Variants in RB1CC1 observed in about 807,000 individuals in gnomAD.
RB1CC1 encodes the protein RB1 inducible coiled-coil 1.
RB1CC1 carries 46 observed loss-of-function variants against 177.5 expected under a neutral mutation model. That is an observed-to-expected ratio of 0.26 (90% CI 0.20 to 0.33). RB1CC1 has a LOEUF of 0.33. RB1CC1 is among the 10% of genes least tolerant of loss of function. RB1CC1 has a pLI of 1.00. For missense variants in RB1CC1, 1,703 were observed against 1,816.3 expected, an observed-to-expected ratio of 0.94 and a Z score of 1.13; for synonymous variants, 666 against 613.6, an observed-to-expected ratio of 1.09 and a Z score of -1.26.
At position 52,645,772 on chromosome 8, in the gene RB1CC1, A is replaced by G; in HGVS notation, c.3917T>C (p.Leu1306Pro). 1 of 1,610,880 alleles carries G rather than the reference A, an allele frequency of 6.2e-7. No individual in the cohort carries two copies. Among genetic ancestry groups the G allele is most frequent in the South Asian group, 1.1e-5 (1 of 90,002 alleles). ...QEEKAKFLEQ[L>P]EEQEKRKNEE... ...ATTCTTTCTTTTTTCTTGCTCTTCA[A>G]GTTGTTCTAGAAACTTAGCTTTTTC... The change falls in exon 16 of 24, where the codon CTT becomes CCT. Residue 1306 changes from leucine (L) to proline (P), a missense_variant. Physicochemically the swap from Leu to Pro is moderately conservative, Grantham distance 98 (BLOSUM62 -3). Around this residue, in one of 6 missense-constraint regions of RB1CC1, gnomAD observed 1,169 missense variants for 1,184.7 expected, o/e 0.99. Transcript: ENST00000025008.
At chr8:52,623,916 TCACA>T (rs113332634) in intron 23 of RB1CC1, 57 bp from the exon 24 acceptor site, 156 of 862,914 alleles carry the variant, frequency 1.8e-4, no homozygotes, top group Middle Eastern at 3.6e-4. Context: ...TCTCTCTCTC[TCACA>T]CACACACACA....
intron 1 of RB1CC1, among the ~76,000 whole-genome samples, chr8:52,697,240 A>G (rs534675341): frequency 6.6e-6 from 1 of 151,976 alleles, no homozygotes; most frequent in South Asian, 2.1e-4. Context: ...AATCAGTTAA[A>G]TTCAGAATAA....
At chr8:52,660,371 T>C (rs1851505762) in intron 12 of RB1CC1, among the ~76,000 whole-genome samples, 1 of 152,222 alleles carries the variant, frequency 6.6e-6, no homozygotes, top group Non-Finnish European at 1.5e-5. Flanking sequence ...AACAGTGCAG[T>C]ATAAGGTATC....
At chr8:52,646,804 CTAATTA>C (rs1055887515) in intron 15 of RB1CC1, among the ~76,000 whole-genome samples, 31 of 152,198 alleles carry the variant, frequency 2.0e-4, no homozygotes, top group African/African-American at 5.1e-4. Flanking sequence ...TCATTAACTT[CTAATTA>C]TAACTTCTAA....
intron 18 of RB1CC1, among the ~76,000 whole-genome samples, chr8:52,641,479 A>G (rs1849580480): frequency 6.6e-6 from 1 of 152,050 alleles, no homozygotes; most frequent in African/African-American, 2.4e-5. Flanking sequence ...TCTTGTTATC[A>G]TAACTGTTAT....
intron 15 of RB1CC1, among the ~76,000 whole-genome samples, chr8:52,650,332 G>C (rs2150442313): frequency 6.6e-6 from 1 of 152,324 alleles, no homozygotes; most frequent in East Asian, 1.9e-4. Context: ...AGACTCTGGA[G>C]GTGGTTGTAG....
At chr8:52,692,424 T>C (rs181155347) in intron 1 of RB1CC1, among the ~76,000 whole-genome samples, 59 of 152,320 alleles carry the variant, frequency 3.9e-4, no homozygotes, top group African/African-American at 1.4e-3. Context: ...AATGATACTG[T>C]TGGCATAGCA....
intron 1 of RB1CC1, among the ~76,000 whole-genome samples, chr8:52,694,122 T>C (rs755454533): frequency 6.6e-6 from 1 of 152,050 alleles, no homozygotes; most frequent in Non-Finnish European, 1.5e-5. Flanking sequence ...CACAGACAGC[T>C]ACCCCTTTGC....
chr8:52,627,283 G>A (rs930860410), intron 22 of RB1CC1, among the ~76,000 whole-genome samples: 5 of 152,142 alleles, frequency 3.3e-5, no homozygotes, highest in Admixed American at 1.3e-4. Flanking sequence ...GGAGGCAGAG[G>A]TTGCAGTGAG....
intron 1 of RB1CC1, among the ~76,000 whole-genome samples, chr8:52,692,872 G>A (rs868550070): frequency 1.3e-5 from 2 of 152,330 alleles, no homozygotes; most frequent in Middle Eastern, 3.4e-3. Context: ...GACAAGGTAA[G>A]GTTTTCAACA....
Position 52,688,109 on chromosome 8 carries a change from T to C in RB1CC1, c.-166-1142A>G, listed in dbSNP as rs192398244. Among the ~76,000 whole-genome samples, 144 of 152,356 alleles carry C rather than the reference T, an allele frequency of 9.5e-4. 1 individual carries two copies. The highest frequency in any genetic ancestry group is 5.6e-4 in the Non-Finnish European group (38 of 68,028). On this transcript the variant is annotated intron_variant, in intron 1 of 23. Transcript: ENST00000025008. ...CGTCATCTTAGGACCACTGTGATAATTGTGTTAACTGTACAAATTGATTGT... is the reference window on the plus strand; with the variant it reads ...CGTCATCTTAGGACCACTGTGATAACTGTGTTAACTGTACAAATTGATTGT...
rs768037976 is a variant in RB1CC1, at chr8:52,642,558, C to A, written c.4130G>T (p.Arg1377Leu). The part of the protein sequence containing the change: ...LIESLSEDRA[R>L]LLEEKKKLEE... Reference sequence around the variant, plus strand: ...AAGCTTTTTCTTTTCCTCAAGCAAACGAGCTCGATCTTCAGAAAGTGACTC... The same window carrying A: ...AAGCTTTTTCTTTTCCTCAAGCAAAAGAGCTCGATCTTCAGAAAGTGACTC... Residue 1377 changes from arginine to leucine, a missense_variant, in exon 18 of 24, where the codon CGT becomes CTT. Around this residue, in one of 6 missense-constraint regions of RB1CC1, gnomAD observed 1,169 missense variants for 1,184.7 expected, o/e 0.99. Transcript: ENST00000025008. 19 of 1,613,804 alleles carry A rather than the reference C, an allele frequency of 1.2e-5. No homozygotes were observed. In the Admixed American group the frequency reaches 3.0e-4, roughly 25 times the overall value.
intron 8 of RB1CC1, among the ~76,000 whole-genome samples, chr8:52,665,578 ATT>A (rs1353369564): frequency 1.3e-5 from 2 of 152,224 alleles, no homozygotes; most frequent in Admixed American, 6.5e-5. Context: ...GGTTAAATAA[ATT>A]TTGTTTGATT....
chr8:52,650,995 T>G (rs879460280), intron 15 of RB1CC1, among the ~76,000 whole-genome samples: 24 of 152,228 alleles, frequency 1.6e-4, no homozygotes, highest in Non-Finnish European at 3.4e-4. Context: ...TACTCATTGC[T>G]ACACTCAAAT....
At position 52,647,025 on chromosome 8, in the gene RB1CC1, G is replaced by A. The variant is rs187681469; in HGVS notation, c.3822-1158C>T. On this transcript the variant is annotated intron_variant, in intron 15 of 23. Coordinates refer to ENST00000025008, the MANE Select transcript of RB1CC1 (RefSeq NM_014781.5). ...ATTTTAATGTTTTTGAAATCAGGGT[G>A]TGTTCTGCAATTAATATGGGCATGT... 1.1e-3 allele frequency among the ~76,000 whole-genome samples: 163 copies of A among 152,220 alleles called. 1 individual carries two copies. Among genetic ancestry groups the A allele is most frequent in the African/African-American group, 3.7e-3 (154 of 41,544 alleles).
intron 1 of RB1CC1, among the ~76,000 whole-genome samples, chr8:52,694,576 G>C (rs1855204486): frequency 6.6e-6 from 1 of 152,188 alleles, no homozygotes; most frequent in Admixed American, 6.5e-5. Flanking sequence ...TGGTCCTTTA[G>C]AGAGAAAGTG....
At chr8:52,634,422 A>G (rs1373933129) in intron 20 of RB1CC1, among the ~76,000 whole-genome samples, 2 of 152,026 alleles carry the variant, frequency 1.3e-5, no homozygotes, top group East Asian at 3.9e-4. Context: ...GCTACTCGGG[A>G]GGCTAATGCA....
At chr8:52,634,844 G>T in intron 20 of RB1CC1, 77 bp downstream of exon 20, 1 of 1,253,658 alleles carries the variant, frequency 8.0e-7, no homozygotes, top group Non-Finnish European at 1.1e-6. Context: ...ATCCTCTGAT[G>T]GAATATCTTC....
Position 52,628,064 on chromosome 8 carries a change from A to G in RB1CC1, c.4604T>C (p.Leu1535Pro). 1 of 1,605,702 alleles carries G rather than the reference A, an allele frequency of 6.2e-7. No homozygotes were observed. ...ACCTGGTTTGAGATCCAGGGCAGGT[A>G]GAGACTCTGAATGTAGAAAATATAA... Reference protein sequence around the residue: ...PTLYFLHSESLPALDLKPGEG... With the variant: ...PTLYFLHSESPPALDLKPGEG... Residue 1535 changes from leucine to proline, a missense_variant, in exon 22 of 24, where the codon CTA (leucine) becomes CCA (proline). By Grantham distance (98) the Leu-to-Pro change is moderately conservative (BLOSUM62 -3). Coordinates refer to ENST00000025008, the MANE Select transcript of RB1CC1 (RefSeq NM_014781.5).
Sources: gnomAD v4.1 joint callset for allele counts (sites outside exome capture counted in the v4.1 genomes callset) on GRCh38, gnomAD v4.1.1 for gene constraint, gnomAD v4.1.1 regional missense constraint, MANE v1.5 for transcripts, NCBI Gene and HGNC (gene_info 2026-07-23, HGNC 2026-07-21) for gene names.